Variants in GPR107 observed in about 807,000 individuals in gnomAD.
The protein encoded by GPR107 is G protein-coupled receptor 107.
A neutral mutation model predicts 75.5 loss-of-function variants in GPR107; 31 were observed. That is an observed-to-expected ratio of 0.41 (90% CI 0.31 to 0.55). GPR107 has a LOEUF of 0.55. Ranked by LOEUF, GPR107 falls within the 20% of genes least tolerant of loss-of-function variation. The probability of loss-of-function intolerance (pLI) is 0.26; values close to 1 mark genes in which losing one functional copy is unlikely to be tolerated. For missense variants in GPR107, 572 were observed against 665.7 expected (o/e 0.86, Z 1.55); for synonymous variants, 267 against 251.3 (o/e 1.06, Z -0.59).
rs1589495108 is a variant in GPR107, at chr9:130,079,539, G to A, written c.387-91G>A. 17 of 960,166 alleles carry A rather than the reference G, an allele frequency of 1.8e-5. 1 individual carries two copies. Among genetic ancestry groups the A allele is most frequent in the Admixed American group, 2.3e-5 (1 of 44,328 alleles). The allele number at this position is 960,166 out of a possible 1,614,324, so 59.5% of individuals were successfully genotyped here. On this transcript the variant is annotated intron_variant, in intron 4 of 17. Transcript: ENST00000347136. ...TACATTGTAGAACATGATAAGGACTGCATGAGCTTGGCACAGGGCCTACAC... is the reference window on the plus strand; with the variant it reads ...TACATTGTAGAACATGATAAGGACTACATGAGCTTGGCACAGGGCCTACAC...
rs199783444 is a variant in GPR107, at chr9:130,105,251, C to CTT, written c.1262+714_1262+715dup. Among the ~76,000 whole-genome samples, 784 of 144,468 alleles carry CTT rather than the reference C, an allele frequency of 5.4e-3. 6 individuals carry two copies. The highest frequency in any genetic ancestry group is 0.019 in the African/African-American group (749 of 39,450). The allele number at this position is 144,468 out of a possible 152,430, so 94.8% of individuals were successfully genotyped here. A position where few individuals can be genotyped will look rare whatever the true frequency, so the allele number is the denominator to read the frequency against. The stretch of plus-strand genomic sequence containing the variant: ...CCCCGGCCTTCCATTACAAGTGCTT[C>CTT]TTTTTTTTTTTTTTAACCCGAGATG... On this transcript the variant is annotated intron_variant, in intron 13 of 17. Transcript: ENST00000347136.
chr9:130,119,584 G>A (rs531232870), intron 14 of GPR107, among the ~76,000 whole-genome samples: 4 of 152,126 alleles, frequency 2.6e-5, no homozygotes, highest in Non-Finnish European at 5.9e-5. Flanking sequence ...AGCAGAGTTG[G>A]AATTTGAACC....
At chr9:130,109,104 A>G (rs896333434) in intron 14 of GPR107, among the ~76,000 whole-genome samples, 1 of 148,116 alleles carries the variant, frequency 6.8e-6, no homozygotes, top group African/African-American at 2.5e-5. Context: ...GGTTCAAGCA[A>G]TTCTTCTGCC....
chr9:130,105,644 A>G (rs1006478602), intron 13 of GPR107, among the ~76,000 whole-genome samples: 3 of 151,890 alleles, frequency 2.0e-5, no homozygotes, highest in Admixed American at 6.6e-5. Context: ...TATTTATAAC[A>G]TGGTGCAAAT....
At chr9:130,061,899 T>G (rs1298017709) in intron 1 of GPR107, among the ~76,000 whole-genome samples, 2 of 151,672 alleles carry the variant, frequency 1.3e-5, no homozygotes, top group East Asian at 3.9e-4. Flanking sequence ...GAGCCGAGAT[T>G]GCACCACTGC....
chr9:130,132,307 A>T (rs1831846727), intron 17 of GPR107, among the ~76,000 whole-genome samples: 1 of 152,178 alleles, frequency 6.6e-6, no homozygotes, highest in Non-Finnish European at 1.5e-5. Flanking sequence ...TGGGCTCAGG[A>T]TCTGTGCTTT....
chr9:130,107,034 T>A (rs1831175815), intron 13 of GPR107, among the ~76,000 whole-genome samples: 1 of 152,182 alleles, frequency 6.6e-6, no homozygotes, highest in African/African-American at 2.4e-5. Context: ...TCAGCAGTGT[T>A]AAAAATCTCC....
At chr9:130,119,606 G>A (rs4837468) in intron 14 of GPR107, among the ~76,000 whole-genome samples, 148,122 of 152,158 alleles carry the variant, frequency 0.97, 72,131 homozygotes, top group East Asian at 1. Context: ...AGGATGTTCA[G>A]TCGTGCAGGG....
Position 130,128,770 on chromosome 9 carries a change from T to C in GPR107, c.1562+9T>C, listed in dbSNP as rs200595041. Reference sequence around the variant, plus strand: ...TTGGAAATGGAGTCCGTGTAAGAAATCTTTCTTCCCTCTTCCTTAGCCCTG... The same window carrying C: ...TTGGAAATGGAGTCCGTGTAAGAAACCTTTCTTCCCTCTTCCTTAGCCCTG... On this transcript the variant is annotated intron_variant, in intron 17 of 17. Transcript: ENST00000347136. 6.2e-7 allele frequency: 1 copy of C among 1,613,236 alleles called. No individual in the cohort carries two copies. Among genetic ancestry groups the C allele is most frequent in the African/African-American group, 1.3e-5 (1 of 75,032 alleles).
At chr9:130,057,835 T>TG (rs1829831463) in intron 1 of GPR107, among the ~76,000 whole-genome samples, 1 of 86,936 alleles carries the variant, frequency 1.2e-5, no homozygotes, top group African/African-American at 3.8e-5. Flanking sequence ...TTATTATTAT[T>TG]ATTTTTTTTT....
intron 8 of GPR107, among the ~76,000 whole-genome samples, chr9:130,091,695 ATTT>A (rs200927249): frequency 7.6e-6 from 1 of 131,514 alleles, no homozygotes; most frequent in Non-Finnish European, 1.6e-5. Flanking sequence ...TGCCTGGCTA[ATTT>A]TTTTTTTTTT....
intron 1 of GPR107, 134 bp downstream of exon 1, chr9:130,054,207 A>G: frequency 2.3e-6 from 2 of 888,024 alleles, no homozygotes; most frequent in East Asian, 2.9e-5. Context: ...TTTCACTGAC[A>G]GGTGGCGGGG....
At chr9:130,102,443 C>T (rs79343875) in intron 12 of GPR107, among the ~76,000 whole-genome samples, 5,011 of 152,240 alleles carry the variant, frequency 0.033, 279 homozygotes, top group African/African-American at 0.11. Flanking sequence ...CCAGGAAGCC[C>T]GTCCTGGGCT....
At chr9:130,076,126 A>C (rs564392295) in intron 2 of GPR107, among the ~76,000 whole-genome samples, 1 of 152,334 alleles carries the variant, frequency 6.6e-6, no homozygotes, top group African/African-American at 2.4e-5. Context: ...TTCCAACCCC[A>C]ATGCTTAAAT....
At chr9:130,107,303 C>T (rs1010503651) in intron 13 of GPR107, among the ~76,000 whole-genome samples, 193 bp from the exon 14 acceptor site, 1 of 152,066 alleles carries the variant, frequency 6.6e-6, no homozygotes, top group Admixed American at 6.5e-5. Context: ...CAGCAGAGGG[C>T]GACTTTACCT....
chr9:130,132,579 G>A (rs1554899267), intron 17 of GPR107, among the ~76,000 whole-genome samples: 1 of 152,178 alleles, frequency 6.6e-6, no homozygotes, highest in African/African-American at 2.4e-5. Context: ...CTGAGGTCAG[G>A]AGTTTGAGAC....
chr9:130,131,155 C>A (rs913173550), intron 17 of GPR107, among the ~76,000 whole-genome samples: 6 of 152,166 alleles, frequency 3.9e-5, no homozygotes, highest in Non-Finnish European at 7.3e-5. Flanking sequence ...GCTGCTGAAG[C>A]CCCACCGCCG....
chr9:130,115,762 CA>C (rs765306078), intron 14 of GPR107, among the ~76,000 whole-genome samples: 4,009 of 90,174 alleles, frequency 0.044, 182 homozygotes, highest in African/African-American at 0.16. Flanking sequence ...GACTCCGTCT[CA>C]AAAAAAAAAA....
intron 14 of GPR107, chr9:130,110,464 A>G: frequency 1.9e-6 from 2 of 1,033,802 alleles, no homozygotes; most frequent in East Asian, 2.6e-5. Context: ...TTAGGAAGAC[A>G]TCTGCTAAGG....
Sources: allele counts gnomAD v4.1 joint callset (sites outside exome capture counted in the v4.1 genomes callset), GRCh38; gene constraint gnomAD v4.1.1; transcripts MANE v1.5; gene names NCBI Gene and HGNC (gene_info 2026-07-23, HGNC 2026-07-21).